The following TSSK3 variants were observed in gnomAD, a reference collection of about 807,000 sequenced individuals.
TSSK3 encodes the protein testis specific serine kinase 3, also known as testis-specific serine/threonine-protein kinase 3.
In TSSK3, 16 loss-of-function variants were observed where a neutral mutation model predicts 18.9. The observed-to-expected ratio is 0.85, with a 90% confidence interval of 0.57 to 1.28. The LOEUF (loss-of-function observed/expected upper bound fraction) is 1.28. Ranked by LOEUF, TSSK3 falls within the 50% of genes most tolerant of loss-of-function variation. The probability of loss-of-function intolerance (pLI) is 0.00; values close to 1 mark genes in which losing one functional copy is unlikely to be tolerated. For missense variants in TSSK3, 345 were observed against 341.0 expected, an observed-to-expected ratio of 1.01 and a Z score of -0.09; for synonymous variants, 146 against 133.9, an observed-to-expected ratio of 1.09 and a Z score of -0.62.
At position 32,362,855 on chromosome 1, in the gene TSSK3, G is replaced by C; in HGVS notation, c.145+9G>C. 6.2e-7 allele frequency: 1 copy of C among 1,613,960 alleles called. No homozygotes were observed. The highest frequency in any genetic ancestry group is 8.5e-7 in the Non-Finnish European group (1 of 1,179,916). ...GATGGGAGGGCCAGAAGGTGAGCCGGGGCCCCTTTGGAGGGAAGGAGGGAG... is the reference window on the plus strand; with the variant it reads ...GATGGGAGGGCCAGAAGGTGAGCCGCGGCCCCTTTGGAGGGAAGGAGGGAG... On this transcript the variant is annotated intron_variant, in intron 1 of 1. Transcript: ENST00000373534.
Position 32,362,798 on chromosome 1 carries a change from C to T in TSSK3, c.97C>T (p.Gln33Ter). 1 of 1,614,162 alleles carries T rather than the reference C, an allele frequency of 6.2e-7. No homozygotes were observed. Among genetic ancestry groups the T allele is most frequent in the Non-Finnish European group, 8.5e-7 (1 of 1,180,022 alleles). The change falls in exon 1 of 2, where the codon CAA becomes TAA. Residue 33 changes from glutamine to a stop codon, truncating the protein, a stop_gained. Coordinates refer to ENST00000373534, the MANE Select transcript of TSSK3 (RefSeq NM_052841.4). LOFTEE classifies it high-confidence loss of function. ...CAAAGAAGCATTTTCCAAAAAACAC[C>T]AAAGAAAAGTGGCAATTAAAGTTAT... ...KVKEAFSKKH[Q>*]RKVAIKVIDK...
At chr1:32,363,029 C>T (rs1641735640) in intron 1 of TSSK3, 183 bp downstream of exon 1, 1 of 644,184 alleles carries the variant, frequency 1.6e-6, no homozygotes, top group African/African-American at 1.8e-5. Context: ...AGTCCAGGAA[C>T]ATTACACCCC....
rs749142392 is a variant in TSSK3, at chr1:32,363,719, C to T, written c.270C>T (p.Leu90=). ...ADGKICLVME[L]AEGGDVFDCV... ...GGAAAATCTGCCTGGTGATGGAGCT[C>T]GCTGAGGGAGGGGATGTCTTTGACT... is the stretch of plus-strand genomic sequence containing the variant. Residue 90 remains leucine (L), a synonymous_variant, in exon 2 of 2, where the codon CTC becomes CTT. Transcript: ENST00000373534. The T allele has an allele frequency of 8.0e-5, 129 of 1,613,864 alleles. No individual in the cohort carries two copies. The highest frequency in any genetic ancestry group is 1.6e-4 in the Middle Eastern group (1 of 6,080).
Position 32,363,754 on chromosome 1 carries a change from AT to A in TSSK3, c.306del (p.Asn102LysfsTer46), listed in dbSNP as rs753992953. On this transcript the variant is annotated frameshift_variant, in exon 2 of 2. Coordinates refer to ENST00000373534, the MANE Select transcript of TSSK3 (RefSeq NM_052841.4). LOFTEE classifies it high-confidence loss of function. Reference sequence around the variant, plus strand: ...GGGGATGTCTTTGACTGCGTGCTGAATGGGGGGCCACTGCCTGAAAGCCGGG... The same window carrying A: ...GGGGATGTCTTTGACTGCGTGCTGAAGGGGGGCCACTGCCTGAAAGCCGGG... ...EGGDVFDCVL[N>X]GGPLPESRAK... 6.8e-6 allele frequency: 11 copies of A among 1,614,062 alleles called. No individual in the cohort carries two copies. In the African/African-American group the frequency reaches 1.5e-4, roughly 22 times the overall value.
Position 32,363,577 on chromosome 1 carries a change from C to T in TSSK3, c.146-18C>T. The stretch of plus-strand genomic sequence containing the variant: ...TTTCTGATCTGCCAGCCCATCTCTC[C>T]TCCCCTTACTTCCTCAGAGTTTATC... On this transcript the variant is annotated intron_variant, in intron 1 of 1. Transcript: ENST00000373534. 1 of 1,595,990 alleles carries T rather than the reference C, an allele frequency of 6.3e-7. No homozygotes were observed.
rs749654961 is a variant in TSSK3 at position 32,364,246 on chromosome 1, C to G, written c.797C>G (p.Ala266Gly). Reference protein sequence around the residue: ...IEEVSWHPWLAST With the variant: ...IEEVSWHPWLGST ...GAAGTTAGTTGGCATCCATGGCTAG[C>G]AAGCACTTGATAAAAGCAATGGCAA... Residue 266 changes from alanine (A) to glycine (G), a missense_variant, in exon 2 of 2, where the codon GCA (alanine) becomes GGA (glycine). Ala to Gly is a moderately conservative substitution (Grantham distance 60). Coordinates refer to ENST00000373534, the MANE Select transcript of TSSK3 (RefSeq NM_052841.4). 6.3e-7 allele frequency: 1 copy of G among 1,594,780 alleles called. No individual in the cohort carries two copies. Among genetic ancestry groups the G allele is most frequent in the African/African-American group, 1.3e-5 (1 of 74,528 alleles).
chr1:32,362,957 G>C, intron 1 of TSSK3, 111 bp downstream of exon 1: 4 of 1,370,626 alleles, frequency 2.9e-6, no homozygotes, highest in Non-Finnish European at 4.1e-6. Context: ...CCGCTGGCCT[G>C]GAACCAAGCA....
rs576808438 is a variant in TSSK3, at chr1:32,363,788, C to T, written c.339C>T (p.Ala113=). The T allele has an allele frequency of 4.0e-5, 64 of 1,614,240 alleles. No individual in the cohort carries two copies. In the East Asian group the frequency reaches 1.3e-3, roughly 33 times the overall value. ...CACTGCCTGAAAGCCGGGCCAAGGCCCTCTTCCGTCAGATGGTTGAGGCCA... is the reference window on the plus strand; with the variant it reads ...CACTGCCTGAAAGCCGGGCCAAGGCTCTCTTCCGTCAGATGGTTGAGGCCA... ...GGPLPESRAK[A]LFRQMVEAIR... Residue 113 remains alanine, a synonymous_variant, in exon 2 of 2, where the codon GCC becomes GCT. Transcript: ENST00000373534.
At position 32,362,922 on chromosome 1, in the gene TSSK3, A is replaced by ACGATCATT; in HGVS notation, c.145+86_145+93dup. 3 of 1,546,488 alleles carry ACGATCATT rather than the reference A, an allele frequency of 1.9e-6. No individual in the cohort carries two copies. In the South Asian group the frequency reaches 3.5e-5, roughly 18 times the overall value. ...TGGGTGCTTCCTCCTGTTTGTTAGA[A>ACGATCATT]CGATCATTCGATCATTCCCTGCTCC... On this transcript the variant is annotated intron_variant, in intron 1 of 1. Transcript: ENST00000373534.
At position 32,363,661 on chromosome 1, in the gene TSSK3, T is replaced by G. The variant is rs769493750; in HGVS notation, c.212T>G (p.Ile71Ser). The change falls in exon 2 of 2, where the codon ATC becomes AGC. Residue 71 changes from isoleucine to serine, a missense_variant. Ile to Ser is a moderately radical substitution (Grantham distance 142). Coordinates refer to ENST00000373534, the MANE Select transcript of TSSK3 (RefSeq NM_052841.4). The part of the protein sequence containing the change: ...IVRTLDHKNI[I>S]QVYEMLESAD... ...CGTACCCTGGACCACAAGAACATCATCCAGGTGTATGAGATGCTGGAGTCT... is the reference window on the plus strand; with the variant it reads ...CGTACCCTGGACCACAAGAACATCAGCCAGGTGTATGAGATGCTGGAGTCT... The G allele has an allele frequency of 6.2e-7, 1 of 1,614,176 alleles. No individual in the cohort carries two copies. Among genetic ancestry groups the G allele is most frequent in the East Asian group, 2.2e-5 (1 of 44,884 alleles).
intron 1 of TSSK3, chr1:32,363,368 C>A: frequency 1.8e-6 from 1 of 561,920 alleles, no homozygotes; most frequent in Non-Finnish European, 3.2e-6. Flanking sequence ...CACAACAGTC[C>A]ACAAGGCTGG....
At chr1:32,363,469 G>A (rs1641748359) in intron 1 of TSSK3, 126 bp from the exon 2 acceptor site, 1 of 859,696 alleles carries the variant, frequency 1.2e-6, no homozygotes, top group Non-Finnish European at 1.8e-6. Flanking sequence ...ACACACTTAA[G>A]ACCATTAAGA....
chr1:32,363,720 G>A lies in TSSK3; in HGVS notation c.271G>A (p.Ala91Thr), dbSNP rs201115542. 1.1e-4 allele frequency: 173 copies of A among 1,614,086 alleles called. No individual in the cohort carries two copies. Among genetic ancestry groups the A allele is most frequent in the Non-Finnish European group, 1.4e-4 (166 of 1,180,046 alleles). ...GAAAATCTGCCTGGTGATGGAGCTC[G>A]CTGAGGGAGGGGATGTCTTTGACTG... ...DGKICLVMEL[A>T]EGGDVFDCVL... Residue 91 changes from alanine (A) to threonine (T), a missense_variant, in exon 2 of 2, where the codon GCT becomes ACT. Coordinates refer to ENST00000373534, the MANE Select transcript of TSSK3 (RefSeq NM_052841.4).
At position 32,362,666 on chromosome 1, in the gene TSSK3, A is replaced by T. The variant is rs1250656193; in HGVS notation, c.-36A>T. The T allele has an allele frequency of 6.2e-7, 1 of 1,611,052 alleles. No homozygotes were observed. Among genetic ancestry groups the T allele is most frequent in the Non-Finnish European group, 8.5e-7 (1 of 1,178,434 alleles). On this transcript the variant is annotated 5_prime_UTR_variant, in exon 1 of 2. Coordinates refer to ENST00000373534, the MANE Select transcript of TSSK3 (RefSeq NM_052841.4). ...AGAGCTGCCTCTCAGAGGCAGCATG[A>T]GCTGAGAGGGTGATAGGAAGGCGGC...
Position 32,362,802 on chromosome 1 carries a change from G to A in TSSK3, c.101G>A (p.Arg34Lys), listed in dbSNP as rs145542689. ...VKEAFSKKHQRKVAIKVIDKM... is the reference protein window; with the variant it reads ...VKEAFSKKHQKKVAIKVIDKM... The stretch of plus-strand genomic sequence containing the variant: ...GAAGCATTTTCCAAAAAACACCAAA[G>A]AAAAGTGGCAATTAAAGTTATAGAC... Residue 34 changes from arginine to lysine, a missense_variant, in exon 1 of 2, where the codon AGA becomes AAA. Coordinates refer to ENST00000373534, the MANE Select transcript of TSSK3 (RefSeq NM_052841.4). 30 of 1,614,066 alleles carry A rather than the reference G, an allele frequency of 1.9e-5. No homozygotes were observed. The African/African-American group carries it at 3.3e-4, about 18-fold the overall frequency.
In TSSK3 at chr1:32,362,590, C is replaced by A; in HGVS notation, c.-112C>A. The stretch of plus-strand genomic sequence containing the variant: ...AATGTTCTAACGCTGGGGGCGGCTG[C>A]GGATGAAGTCCTTGGGGAGAAAAGG... On this transcript the variant is annotated 5_prime_UTR_variant, in exon 1 of 2. Coordinates refer to ENST00000373534, the MANE Select transcript of TSSK3 (RefSeq NM_052841.4). 2 of 1,304,294 alleles carry A rather than the reference C, an allele frequency of 1.5e-6. No individual in the cohort carries two copies. The highest frequency in any genetic ancestry group is 2.1e-6 in the Non-Finnish European group (2 of 935,844). 80.8% of individuals were successfully genotyped at this position (1,304,294 alleles called of 1,614,324 possible).
chr1:32,363,410 C>G (rs987282094), intron 1 of TSSK3, 185 bp from the exon 2 acceptor site: 6 of 630,198 alleles, frequency 9.5e-6, no homozygotes, highest in African/African-American at 9.2e-5. Context: ...GATATACTAA[C>G]GACAAAAATA....
chr1:32,363,216 G>T (rs1641740643), intron 1 of TSSK3: 1 of 342,066 alleles, frequency 2.9e-6, no homozygotes, highest in Non-Finnish European at 5.4e-6. Flanking sequence ...CAGGGCTCAT[G>T]GAAAGAATTG....
intron 1 of TSSK3, 155 bp downstream of exon 1, chr1:32,363,001 G>A: frequency 1.2e-6 from 1 of 803,038 alleles, no homozygotes; most frequent in East Asian, 2.5e-5. Context: ...GGTCAGTGGG[G>A]AACAGAGGGG....
Sources: gnomAD v4.1 joint callset for allele counts on GRCh38, gnomAD v4.1.1 for gene constraint, MANE v1.5 for transcripts, NCBI Gene and HGNC (gene_info 2026-07-23, HGNC 2026-07-21) for gene names.